DCX: variants seen among roughly 807,000 people sequenced by gnomAD.
The protein encoded by DCX is doublecortin, also known as neuronal migration protein doublecortin.
DCX carries 4 observed loss-of-function variants against 20.9 expected under a neutral mutation model. The ratio of observed to expected loss-of-function variants is 0.19; its 90% CI spans 0.09 to 0.44. The LOEUF (loss-of-function observed/expected upper bound fraction) is 0.44, where lower values mean the gene tolerates loss of function less well. Ranked by LOEUF, DCX falls within the 20% of genes least tolerant of loss-of-function variation. The pLI is 0.99. For missense variants in DCX, 133 were observed against 296.9 expected (o/e 0.45, Z 4.06); for synonymous variants, 103 against 111.4 (o/e 0.92, Z 0.47).
intron 3 of DCX, among the ~76,000 whole-genome samples, chrX:111,336,025 G>C (rs1200240126): frequency 1.8e-5 from 2 of 111,880 alleles, no homozygotes; most frequent in Non-Finnish European, 3.8e-5. Flanking sequence ...ATTGAAACTA[G>C]CTAATAGCTG....
chrX:111,365,615 G>A lies in DCX; in HGVS notation c.706-32462C>T, dbSNP rs935212091. On this transcript the variant is annotated intron_variant, in intron 3 of 6. Transcript: ENST00000636035. ...CCCATTAACCATCCCCACCTCCCCC[G>A]CTTCCAGTCCCCCACTACCCTTAAC... 1.7e-4 allele frequency among the ~76,000 whole-genome samples: 17 copies of A among 100,668 alleles called. 1 individual carries two copies. Among genetic ancestry groups the A allele is most frequent in the African/African-American group, 4.4e-4 (12 of 27,021 alleles). 87.4% of individuals were successfully genotyped at this position (100,668 alleles called of 115,157 possible).
At chrX:111,360,474 G>A (rs948139987) in intron 3 of DCX, among the ~76,000 whole-genome samples, 2 of 111,198 alleles carry the variant, frequency 1.8e-5, no homozygotes, top group Non-Finnish European at 3.8e-5. Flanking sequence ...GGTTGAGATG[G>A]GGATGGTTAA....
At chrX:111,316,092 A>ATAATTTAATTAATT (rs1556369834) in intron 5 of DCX, among the ~76,000 whole-genome samples, 3 of 96,357 alleles carry the variant, frequency 3.1e-5, no homozygotes, top group African/African-American at 1.3e-4. Context: ...AAAATAAAAA[A>ATAATTTAATTAATT]AAAAAAAAAA....
In DCX at chrX:111,296,930, A is replaced by C. The variant is rs753322190; in HGVS notation, c.*4757T>G. On this transcript the variant is annotated 3_prime_UTR_variant, in exon 7 of 7. Coordinates refer to ENST00000636035, the MANE Select transcript of DCX (RefSeq NM_001195553.2). ...CCATACTAGACTTTTGGAGACAAAA[A>C]CAATTTCTGGGGACCAGGCTTTAGG... The C allele has an allele frequency of 7.2e-5, 8 of 111,179 alleles. No individual in the cohort carries two copies. Among genetic ancestry groups the C allele is most frequent in the Non-Finnish European group, 1.3e-4 (7 of 53,021 alleles). 9.2% of individuals were successfully genotyped at this position (111,179 alleles called of 1,213,427 possible). A position where few individuals can be genotyped will look rare whatever the true frequency, so the allele number is the denominator to read the frequency against.
intron 3 of DCX, among the ~76,000 whole-genome samples, chrX:111,343,474 G>A (rs997583239): frequency 8.6e-5 from 9 of 104,980 alleles, no homozygotes; most frequent in Admixed American, 6.1e-4. Context: ...CCCAGGACCA[G>A]ACAGATTCAC....
chrX:111,327,510 T>C lies in DCX; in HGVS notation c.946+3394A>G, dbSNP rs534243940. On this transcript the variant is annotated intron_variant, in intron 5 of 6. Transcript: ENST00000636035. ...TTCTGGTTATCCGCTTTTGTTTCTG[T>C]GGGAGCTATTTTACAACTCTGTAAA... Among the ~76,000 whole-genome samples the C allele has an allele frequency of 1.5e-4, 17 of 112,587 alleles. No homozygotes were observed. The South Asian group carries it at 3.3e-3, about 22-fold the overall frequency.
chrX:111,409,531 C>T (rs944230676), intron 2 of DCX, among the ~76,000 whole-genome samples: 7 of 111,901 alleles, frequency 6.3e-5, no homozygotes, highest in Non-Finnish European at 1.1e-4. Flanking sequence ...AGCTGAGCCG[C>T]GACCACTTAC....
At chrX:111,385,718 C>CAAGAAAGCAAGG (rs1556396523) in intron 3 of DCX, among the ~76,000 whole-genome samples, 29 of 82,016 alleles carry the variant, frequency 3.5e-4, no homozygotes, top group Non-Finnish European at 4.2e-4. Context: ...AGCAAGAAAG[C>CAAGAAAGCAAGG]AAGGAAGGAA....
At chrX:111,410,908 G>A in intron 1 of DCX, 14 of 1,211,327 alleles carry the variant, frequency 1.2e-5, no homozygotes, top group Non-Finnish European at 1.6e-5. Context: ...CCCAAGGTTA[G>A]CATCTCCAGC....
intron 3 of DCX, among the ~76,000 whole-genome samples, chrX:111,334,080 C>T (rs777604156): frequency 8.9e-6 from 1 of 112,423 alleles, no homozygotes; most frequent in East Asian, 2.8e-4. Flanking sequence ...ATTCAAGCTG[C>T]CAGCAATGGC....
intron 2 of DCX, 116 bp downstream of exon 2, chrX:111,409,919 C>A: frequency 1.0e-6 from 1 of 995,529 alleles, no homozygotes; most frequent in South Asian, 2.0e-5. Context: ...GAGCATCAAT[C>A]AACCCGGTGT....
chrX:111,376,183 A>G (rs763896100), intron 3 of DCX, among the ~76,000 whole-genome samples: 25 of 112,077 alleles, frequency 2.2e-4, no homozygotes, highest in African/African-American at 7.8e-4. Flanking sequence ...GGTTCAAAAC[A>G]ACTTAAGCAG....
intron 1 of DCX, chrX:111,411,667 A>G: frequency 8.7e-6 from 1 of 114,969 alleles, no homozygotes; most frequent in Non-Finnish European, 1.8e-5. Context: ...AGCAGGGCTC[A>G]GCTGCTACAC....
At position 111,296,232 on chromosome X, in the gene DCX, C is replaced by G. The variant is rs991287000; in HGVS notation, c.*5455G>C. The G allele has an allele frequency of 7.2e-5, 8 of 111,767 alleles. No individual in the cohort carries two copies. The highest frequency in any genetic ancestry group is 2.0e-4 in the African/African-American group (6 of 30,694). The allele number at this position is 111,767 out of a possible 1,213,427, so 9.2% of individuals were successfully genotyped here. The stretch of plus-strand genomic sequence containing the variant: ...CCATTGATTCCCTCAGGTTATTGAC[C>G]TAGTAATGAGAAACGCTAATGCCTT... On this transcript the variant is annotated 3_prime_UTR_variant, in exon 7 of 7. Coordinates refer to ENST00000636035, the MANE Select transcript of DCX (RefSeq NM_001195553.2).
chrX:111,337,413 G>A (rs1921836331), intron 3 of DCX, among the ~76,000 whole-genome samples: 1 of 111,409 alleles, frequency 9.0e-6, no homozygotes, highest in Non-Finnish European at 1.9e-5. Flanking sequence ...GGTGTTGGGG[G>A]AAGGGAAGCC....
At chrX:111,372,566 T>TTA (rs1925188647) in intron 3 of DCX, among the ~76,000 whole-genome samples, 2 of 111,780 alleles carry the variant, frequency 1.8e-5, no homozygotes, top group Admixed American at 9.5e-5. Context: ...TGGAGCCATC[T>TTA]TATTCCTCAG....
chrX:111,394,952 G>A (rs957024720), intron 3 of DCX, among the ~76,000 whole-genome samples: 3 of 112,279 alleles, frequency 2.7e-5, no homozygotes, highest in African/African-American at 6.5e-5. Context: ...CTTTGGTGAT[G>A]TCATTGCAGG....
At chrX:111,328,813 C>T (rs1159416073) in intron 5 of DCX, among the ~76,000 whole-genome samples, 1 of 110,999 alleles carries the variant, frequency 9.0e-6, no homozygotes, top group Non-Finnish European at 1.9e-5. Context: ...TCCTACAGCC[C>T]CAGTTGAGCC....
At chrX:111,353,419 T>C (rs1216536486) in intron 3 of DCX, among the ~76,000 whole-genome samples, 1 of 111,708 alleles carries the variant, frequency 9.0e-6, no homozygotes, top group Non-Finnish European at 1.9e-5. Context: ...CAGATTATAA[T>C]TAACCATCAC....
Sources: allele counts gnomAD v4.1 joint callset (sites outside exome capture counted in the v4.1 genomes callset), GRCh38; gene constraint gnomAD v4.1.1; transcripts MANE v1.5; gene names NCBI Gene and HGNC (gene_info 2026-07-23, HGNC 2026-07-21).